MS4A8: variants seen among roughly 807,000 people sequenced by gnomAD.
MS4A8 encodes membrane spanning 4-domains A8, also known as membrane-spanning 4-domains subfamily A member 8.
MS4A8 carries 27 observed loss-of-function variants against 23.7 expected under a neutral mutation model. The observed-to-expected ratio is 1.14, with a 90% CI of 0.84 to 1.57. MS4A8 has a LOEUF of 1.57. Ranked by LOEUF, MS4A8 falls within the 40% of genes most tolerant of loss-of-function variation. The probability of loss-of-function intolerance (pLI) is 0.00; values close to 1 mark genes in which losing one functional copy is unlikely to be tolerated. For synonymous variants in MS4A8, 138 were observed against 126.3 expected (o/e 1.09, Z -0.62); for missense variants, 301 against 311.4 (o/e 0.97, Z 0.25).
chr11:60,705,591 C>T (rs576758427), intron 3 of MS4A8, among the ~76,000 whole-genome samples: 57 of 152,372 alleles, frequency 3.7e-4, no homozygotes, highest in African/African-American at 7.9e-4. Flanking sequence ...AAGTCCAGCC[C>T]TTCCTCCCCA....
intron 5 of MS4A8, chr11:60,712,230 TCTCC>T: frequency 1.5e-6 from 1 of 659,262 alleles, no homozygotes; most frequent in Non-Finnish European, 1.9e-6. Flanking sequence ...ACAATGAACC[TCTCC>T]CTCCTCAGTG....
In MS4A8 at chr11:60,714,754, C is replaced by A. The variant is rs904913524; in HGVS notation, c.535-267C>A. Among the ~76,000 whole-genome samples, 7 of 152,304 alleles carry A rather than the reference C, an allele frequency of 4.6e-5. No individual in the cohort carries two copies. The East Asian group carries it at 9.6e-4, about 21-fold the overall frequency. On this transcript the variant is annotated intron_variant, in intron 5 of 6. Transcript: ENST00000300226. The stretch of plus-strand genomic sequence containing the variant: ...TCCAGAGCACACCCTCAGGTCTCCA[C>A]ACCCAAAGCAACCTATCAAGGGGCT...
intron 2 of MS4A8, 85 bp from the exon 3 acceptor site, chr11:60,703,293 C>T: frequency 7.2e-7 from 1 of 1,385,530 alleles, no homozygotes; most frequent in Non-Finnish European, 9.5e-7. Flanking sequence ...GAAAATAAAA[C>T]ATTTATTAAA....
chr11:60,703,679 C>G (rs2088227052), intron 3 of MS4A8, among the ~76,000 whole-genome samples, 179 bp downstream of exon 3: 3 of 152,200 alleles, frequency 2.0e-5, no homozygotes, highest in Admixed American at 2.0e-4. Context: ...GTAGGGCCGG[C>G]CCAACAGAGT....
At chr11:60,703,142 G>A (rs956398415) in intron 2 of MS4A8, 6 of 344,898 alleles carry the variant, frequency 1.7e-5, no homozygotes, top group Non-Finnish European at 3.1e-5. Flanking sequence ...AGGGGGCCAT[G>A]TTGTGCTATC....
In MS4A8 at chr11:60,708,589, T is replaced by C. The variant is rs1406723062; in HGVS notation, c.403-61T>C. 1.1e-5 allele frequency: 16 copies of C among 1,455,574 alleles called. No homozygotes were observed. In the Admixed American group the frequency reaches 4.1e-4, roughly 37 times the overall value. The allele number at this position is 1,455,574 out of a possible 1,614,324, so 90.2% of individuals were successfully genotyped here. ...GGGAAAAAGAAACACTTGTTGGGTC[T>C]CCATTCATCTCAGCTATAACAGCTT... On this transcript the variant is annotated intron_variant, in intron 4 of 6. Coordinates refer to ENST00000300226, the MANE Select transcript of MS4A8 (RefSeq NM_031457.2).
intron 5 of MS4A8, among the ~76,000 whole-genome samples, chr11:60,713,612 A>G (rs1040512719): frequency 3.3e-5 from 5 of 152,168 alleles, no homozygotes; most frequent in African/African-American, 1.2e-4. Flanking sequence ...ACACCGAGAC[A>G]TTCCATTGCC....
At chr11:60,713,368 G>T (rs1359306364) in intron 5 of MS4A8, among the ~76,000 whole-genome samples, 2 of 150,928 alleles carry the variant, frequency 1.3e-5, no homozygotes, top group African/African-American at 5.0e-5. Context: ...AGTATTTATT[G>T]ATCATTATTG....
chr11:60,707,097 G>C (rs899050204), intron 4 of MS4A8, 50 bp downstream of exon 4: 1 of 1,528,504 alleles, frequency 6.5e-7, no homozygotes, highest in Non-Finnish European at 9.1e-7. Context: ...CTATAGAATG[G>C]TGTCACAAAG....
At chr11:60,700,456 G>A (rs1320903153) in intron 1 of MS4A8, among the ~76,000 whole-genome samples, 1 of 152,158 alleles carries the variant, frequency 6.6e-6, no homozygotes, top group Admixed American at 6.5e-5. Flanking sequence ...TGAGGCAGGA[G>A]AATTGCTTGA....
At chr11:60,712,409 G>GAGAA in intron 5 of MS4A8, 1 of 985,348 alleles carries the variant, frequency 1.0e-6, no homozygotes, top group Non-Finnish European at 1.2e-6. Context: ...GGAGAGGAAG[G>GAGAA]AGAAGAAAAG....
At chr11:60,702,616 G>A (rs1334986229) in intron 2 of MS4A8, among the ~76,000 whole-genome samples, 1 of 152,150 alleles carries the variant, frequency 6.6e-6, no homozygotes, top group Admixed American at 6.5e-5. Flanking sequence ...TGGCCAGGCT[G>A]GTCTTGAACT....
intron 5 of MS4A8, chr11:60,709,322 C>T (rs2088282583): frequency 6.4e-6 from 1 of 157,026 alleles, no homozygotes; most frequent in Non-Finnish European, 1.4e-5. Context: ...CTGCTATACA[C>T]TAGCACTGTC....
At chr11:60,708,214 G>A (rs2088273603) in intron 4 of MS4A8, among the ~76,000 whole-genome samples, 1 of 152,064 alleles carries the variant, frequency 6.6e-6, no homozygotes, top group Admixed American at 6.6e-5. Flanking sequence ...ATGAACTTGG[G>A]AAAATCTCTA....
Position 60,703,501 on chromosome 11 carries a change from G to C in MS4A8, c.342+1G>C, listed in dbSNP as rs1384907916. On this transcript the variant is annotated splice_donor_variant, in intron 3 of 6. Coordinates refer to ENST00000300226, the MANE Select transcript of MS4A8 (RefSeq NM_031457.2). LOFTEE classifies it high-confidence loss of function. Reference sequence around the variant, plus strand: ...CTTTCCCTTCTGGGGAGGCTTGTGGGTGAGTAACTCAAGTCCTCCTGCCGA... The same window carrying C: ...CTTTCCCTTCTGGGGAGGCTTGTGGCTGAGTAACTCAAGTCCTCCTGCCGA... The C allele has an allele frequency of 3.7e-6, 6 of 1,607,116 alleles. No homozygotes were observed. Among genetic ancestry groups the C allele is most frequent in the Admixed American group, 1.7e-5 (1 of 58,878 alleles).
Position 60,707,004 on chromosome 11 carries a change from C to G in MS4A8, c.359C>G (p.Ser120Cys), listed in dbSNP as rs1326146779. 6.2e-7 allele frequency: 1 copy of G among 1,614,128 alleles called. No homozygotes were observed. Among genetic ancestry groups the G allele is most frequent in the Admixed American group, 1.7e-5 (1 of 60,026 alleles). ...WGGLWFIISG[S>C]LSVAAENQPY... is the part of the protein sequence containing the mutation. ...CTGTACCAGTTTATCATTTCAGGAT[C>G]TCTCTCCGTGGCAGCAGAAAATCAG... Residue 120 changes from serine (S) to cysteine (C), a missense_variant, in exon 4 of 7, where the codon TCT becomes TGT. Transcript: ENST00000300226.
intron 4 of MS4A8, among the ~76,000 whole-genome samples, chr11:60,708,349 C>G (rs1192062641): frequency 6.6e-6 from 1 of 152,202 alleles, no homozygotes; most frequent in Non-Finnish European, 1.5e-5. Context: ...CAAAACCTTT[C>G]TTGCACAGAA....
At chr11:60,711,607 C>A (rs2088301202) in intron 5 of MS4A8, among the ~76,000 whole-genome samples, 1 of 152,198 alleles carries the variant, frequency 6.6e-6, no homozygotes, top group Non-Finnish European at 1.5e-5. Flanking sequence ...GAGAGACAGG[C>A]ACAAGCGAGT....
chr11:60,702,158 A>G (rs563603441), intron 2 of MS4A8, among the ~76,000 whole-genome samples: 3 of 152,386 alleles, frequency 2.0e-5, no homozygotes, highest in African/African-American at 4.8e-5. Flanking sequence ...AGTAAAAAAT[A>G]CATTTAATAC....
Sources: allele counts gnomAD v4.1 joint callset (sites outside exome capture counted in the v4.1 genomes callset), GRCh38; gene constraint gnomAD v4.1.1; transcripts MANE v1.5; gene names NCBI Gene and HGNC (gene_info 2026-07-23, HGNC 2026-07-21).